The following GGT7 variants were observed in gnomAD, a reference collection of about 807,000 sequenced individuals.
GGT7 encodes gamma-glutamyltransferase 7.
GGT7 carries 30 observed loss-of-function variants against 69.2 expected under a neutral mutation model. The ratio of observed to expected loss-of-function variants is 0.43; its 90% CI spans 0.32 to 0.59. GGT7 has a LOEUF of 0.59. Among genes scored for constraint, GGT7 ranks in the 20% least tolerant of loss-of-function variants. The pLI, the probability that GGT7 is intolerant of heterozygous loss-of-function variation, is 0.05. For synonymous variants in GGT7, 388 were observed against 391.8 expected, an observed-to-expected ratio of 0.99 and a Z score of 0.12; for missense variants, 733 against 901.1, an observed-to-expected ratio of 0.81 and a Z score of 2.39.
At chr20:34,852,334 C>T in intron 11 of GGT7, 55 bp downstream of exon 11, 1 of 1,608,566 alleles carries the variant, frequency 6.2e-7, no homozygotes, top group Non-Finnish European at 8.5e-7. Context: ...CAGCCCCCAC[C>T]CCCTCTTGGT....
intron 14 of GGT7, among the ~76,000 whole-genome samples, chr20:34,846,653 C>T (rs943639293): frequency 6.6e-6 from 1 of 152,040 alleles, no homozygotes; most frequent in African/African-American, 2.4e-5. Context: ...CCAAGGGGAT[C>T]CTTTTAAACC....
At chr20:34,859,724 C>T (rs2079556312) in intron 6 of GGT7, 85 bp from the exon 7 acceptor site, 1 of 1,140,974 alleles carries the variant, frequency 8.8e-7, no homozygotes, top group Non-Finnish European at 1.2e-6. Context: ...TAGATGGGGG[C>T]TGAGTGGCCC....
Position 34,845,391 on chromosome 20 carries a change from G to T in GGT7, c.1926C>A (p.Asn642Lys), listed in dbSNP as rs931763833. 2 of 1,614,146 alleles carry T rather than the reference G, an allele frequency of 1.2e-6. No homozygotes were observed. The highest frequency in any genetic ancestry group is 1.3e-5 in the African/African-American group (1 of 75,040). Residue 642 changes from asparagine (N) to lysine (K), a missense_variant, in exon 15 of 15, where the codon AAC becomes AAA. Transcript: ENST00000336431. The part of the protein sequence containing the change: ...LSWVHGSRRT[N>K]NFIIAVKDPR... The stretch of plus-strand genomic sequence containing the variant: ...GGTCCTTAACAGCGATGATGAAGTT[G>T]TTGGTCCTTCGGCTGCCATGGACCC...
intron 10 of GGT7, 76 bp downstream of exon 10, chr20:34,854,455 C>T (rs1455379069): frequency 2.4e-6 from 2 of 830,022 alleles, no homozygotes; most frequent in East Asian, 5.1e-5. Flanking sequence ...TATTGCTATA[C>T]CAGCTGCTTT....
chr20:34,865,471 T>G (rs970464207), intron 1 of GGT7, among the ~76,000 whole-genome samples: 2 of 152,264 alleles, frequency 1.3e-5, no homozygotes, highest in African/African-American at 4.8e-5. Flanking sequence ...ATTACAGGCA[T>G]GAGCCACTGC....
chr20:34,851,350 C>T lies in GGT7; in HGVS notation c.1606G>A (p.Gly536Arg). ...AGCAGGAAAGAGAGTGGCCGCTTCCCTGGCTGCACTGAATTCTCCTGTTGT... is the reference window on the plus strand; with the variant it reads ...AGCAGGAAAGAGAGTGGCCGCTTCCTTGGCTGCACTGAATTCTCCTGTTGT... Reference protein sequence around the residue: ...APSLENSVQPGKRPLSFLLPT... With the variant: ...APSLENSVQPRKRPLSFLLPT... Residue 536 changes from glycine to arginine, a missense_variant, in exon 13 of 15, where the codon GGG (glycine) becomes AGG (arginine). Physicochemically the swap from Gly to Arg is moderately radical, Grantham distance 125. Transcript: ENST00000336431. 6.2e-7 allele frequency: 1 copy of T among 1,613,196 alleles called. No individual in the cohort carries two copies. The highest frequency in any genetic ancestry group is 8.5e-7 in the Non-Finnish European group (1 of 1,179,664).
At chr20:34,861,749 C>G (rs762125180) in intron 3 of GGT7, among the ~76,000 whole-genome samples, 187 bp from the exon 4 acceptor site, 1 of 152,094 alleles carries the variant, frequency 6.6e-6, no homozygotes, top group Admixed American at 6.6e-5. Context: ...GGAGCAAAAC[C>G]AAGAGGGTTG....
rs368581486 is a variant in GGT7 at position 34,851,219 on chromosome 20, C to G, written c.1725+12G>C. On this transcript the variant is annotated intron_variant, in intron 13 of 14. Coordinates refer to ENST00000336431, the MANE Select transcript of GGT7 (RefSeq NM_178026.3). ...CCCGGCTGAAAAAGGCCAACCATGG[C>G]GTAAACCTCACCTGTGTCAGGCCGC... 2 of 1,612,422 alleles carry G rather than the reference C, an allele frequency of 1.2e-6. No individual in the cohort carries two copies. The highest frequency in any genetic ancestry group is 1.7e-6 in the Non-Finnish European group (2 of 1,179,890).
rs2079282173 is a variant in GGT7, at chr20:34,845,204, A to C, written c.*124T>G. ...AGTTACTCTGGGATTGGGTTTGCTA[A>C]GCATCCCCTCTGGCCCCTGATCTGG... is the stretch of plus-strand genomic sequence containing the variant. On this transcript the variant is annotated 3_prime_UTR_variant, in exon 15 of 15. Transcript: ENST00000336431. 4.1e-6 allele frequency: 3 copies of C among 733,034 alleles called. No individual in the cohort carries two copies. The highest frequency in any genetic ancestry group is 5.0e-4 in the Middle Eastern group (1 of 2,020). 45.4% of individuals were successfully genotyped at this position (733,034 alleles called of 1,614,324 possible). A position where few individuals can be genotyped will look rare whatever the true frequency, so the allele number is the denominator to read the frequency against.
At chr20:34,868,105 ATCCGCCCGCCTTGG>A (rs112647148) in intron 1 of GGT7, among the ~76,000 whole-genome samples, 33,118 of 152,102 alleles carry the variant, frequency 0.22, 3,778 homozygotes, top group South Asian at 0.37. Context: ...GCCTCAAGCA[ATCCGCCCGCCTTGG>A]CCTCCCAAAG....
intron 1 of GGT7, among the ~76,000 whole-genome samples, chr20:34,864,004 G>C (rs1397727718): frequency 6.6e-6 from 1 of 152,312 alleles, no homozygotes; most frequent in South Asian, 2.1e-4. Context: ...CTTAAATATG[G>C]AGAGCCCTAT....
Position 34,851,175 on chromosome 20 carries a change from T to C in GGT7, c.1725+56A>G, listed in dbSNP as rs1026397975. On this transcript the variant is annotated intron_variant, in intron 13 of 14. Coordinates refer to ENST00000336431, the MANE Select transcript of GGT7 (RefSeq NM_178026.3). The stretch of plus-strand genomic sequence containing the variant: ...CCACAGATATGACAGGCATCTGCAG[T>C]CTAGGCCACAGCTTGGCTCCCGGCT... 1.1e-5 allele frequency: 18 copies of C among 1,601,144 alleles called. No homozygotes were observed. In the African/African-American group the frequency reaches 2.1e-4, roughly 19 times the overall value.
rs147658429 is a variant in GGT7, at chr20:34,858,441, G to C, written c.1014+1002C>G. Among the ~76,000 whole-genome samples the C allele has an allele frequency of 1.3e-4, 20 of 152,318 alleles. No individual in the cohort carries two copies. In the East Asian group the frequency reaches 3.7e-3, roughly 28 times the overall value. ...AGTGCCCAGCATAGGGCTTGGCACA[G>C]AGCAGGCACTCTGTGAATGTTGAAT... is the stretch of plus-strand genomic sequence containing the variant. On this transcript the variant is annotated intron_variant, in intron 7 of 14. Coordinates refer to ENST00000336431, the MANE Select transcript of GGT7 (RefSeq NM_178026.3).
At chr20:34,865,976 C>T (rs2079683701) in intron 1 of GGT7, among the ~76,000 whole-genome samples, 1 of 152,118 alleles carries the variant, frequency 6.6e-6, no homozygotes. Flanking sequence ...GACTATAACC[C>T]CTTTAAAAGT....
intron 7 of GGT7, 95 bp downstream of exon 7, chr20:34,859,344 AAGGG>A (rs548324152): frequency 3.9e-4 from 326 of 832,820 alleles, no homozygotes; most frequent in African/African-American, 3.0e-3. Flanking sequence ...TATAGAAAGA[AAGGG>A]AGGGAGGGAG....
chr20:34,858,545 C>G (rs1462900518), intron 7 of GGT7, among the ~76,000 whole-genome samples: 1 of 152,192 alleles, frequency 6.6e-6, no homozygotes, highest in Non-Finnish European at 1.5e-5. Flanking sequence ...ATGAGAGAAC[C>G]ACTGAGTTGG....
Position 34,845,155 on chromosome 20 carries a change from A to ACCACCACCACCACCACCACC in GGT7, c.*172_*173insGGTGGTGGTGGTGGTGGTGG. Reference sequence around the variant, plus strand: ...CCACCACCACCACCACCACCACCACAGGCCTCCTGATGGAGAATTTTCCAG... The same window carrying ACCACCACCACCACCACCACC: ...CCACCACCACCACCACCACCACCACACCACCACCACCACCACCACCGGCCTCCTGATGGAGAATTTTCCAG... On this transcript the variant is annotated 3_prime_UTR_variant, in exon 15 of 15. Transcript: ENST00000336431. The ACCACCACCACCACCACCACC allele has an allele frequency of 1.9e-5, 3 of 157,670 alleles. No homozygotes were observed. Among genetic ancestry groups the ACCACCACCACCACCACCACC allele is most frequent in the Middle Eastern group, 2.8e-3 (1 of 362 alleles). The allele number at this position is 157,670 out of a possible 1,614,324, so 9.8% of individuals were successfully genotyped here.
Position 34,863,296 on chromosome 20 carries a change from C to T in GGT7, c.405+17G>A, listed in dbSNP as rs2079629561. 1.3e-6 allele frequency: 2 copies of T among 1,572,456 alleles called. No homozygotes were observed. Among genetic ancestry groups the T allele is most frequent in the Non-Finnish European group, 1.7e-6 (2 of 1,144,932 alleles). On this transcript the variant is annotated intron_variant, in intron 2 of 14. Coordinates refer to ENST00000336431, the MANE Select transcript of GGT7 (RefSeq NM_178026.3). The surrounding 1 kb of genome is among the most constrained non-coding windows in gnomAD (Gnocchi z 4.4). ...CCACTCCCCAGTTTCCTCCCCCTCC[C>T]CATTTGTCCCCCTCACCTGGGGGTC...
At position 34,863,299 on chromosome 20, in the gene GGT7, T is replaced by G. The variant is rs748425877; in HGVS notation, c.405+14A>C. On this transcript the variant is annotated intron_variant, in intron 2 of 14. Transcript: ENST00000336431. The surrounding 1 kb of genome is among the most constrained non-coding windows in gnomAD (Gnocchi z 4.4). ...CTCCCCAGTTTCCTCCCCCTCCCCA[T>G]TTGTCCCCCTCACCTGGGGGTCCCC... The G allele has an allele frequency of 1.4e-6, 2 of 1,433,110 alleles. No homozygotes were observed. The highest frequency in any genetic ancestry group is 1.9e-6 in the Non-Finnish European group (2 of 1,033,846). 88.8% of individuals were successfully genotyped at this position (1,433,110 alleles called of 1,614,324 possible).
Sources: gnomAD v4.1 joint callset for allele counts (sites outside exome capture counted in the v4.1 genomes callset) on GRCh38, gnomAD v4.1.1 for gene constraint, Gnocchi (gnomAD v3.1) non-coding constraint, MANE v1.5 for transcripts, NCBI Gene and HGNC (gene_info 2026-07-23, HGNC 2026-07-21) for gene names.